YJU2B: variants seen among roughly 807,000 people sequenced by gnomAD.
YJU2B encodes the protein YJU2 splicing factor homolog B, also known as probable splicing factor YJU2B.
YJU2B carries 18 observed loss-of-function variants against 38.0 expected under a neutral mutation model. The observed-to-expected ratio is 0.47, with a 90% CI of 0.33 to 0.70. The LOEUF (loss-of-function observed/expected upper bound fraction) is 0.70, where lower values mean the gene tolerates loss of function less well. Among genes scored for constraint, YJU2B ranks in the 30% least tolerant of loss-of-function variants. The probability of loss-of-function intolerance (pLI) is 0.02; values close to 1 mark genes in which losing one functional copy is unlikely to be tolerated. For synonymous variants in YJU2B, 246 were observed against 225.4 expected, an observed-to-expected ratio of 1.09 and a Z score of -0.82; for missense variants, 538 against 556.3, an observed-to-expected ratio of 0.97 and a Z score of 0.33.
At chr19:13,747,517 C>T (rs1973285439), upstream of YJU2B, among the ~76,000 whole-genome samples, 1 of 152,214 alleles carries the variant, frequency 6.6e-6, no homozygotes, top group African/African-American at 2.4e-5. Context: ...GTTGCCCAGG[C>T]TGGAGTGCAG....
chr19:13,751,432 C>T (rs1396906244), intron 1 of YJU2B, among the ~76,000 whole-genome samples, 176 bp from the exon 2 acceptor site: 1 of 151,970 alleles, frequency 6.6e-6, no homozygotes, highest in Non-Finnish European at 1.5e-5. Flanking sequence ...AAAAGATCCC[C>T]TGGGCAGCTG....
chr19:13,755,182 A>G, intron 3 of YJU2B, among the ~76,000 whole-genome samples: 1 of 151,092 alleles, frequency 6.6e-6, no homozygotes, highest in African/African-American at 2.4e-5. Flanking sequence ...AAAAAAAAAA[A>G]GCCGGCGCCA....
intron 2 of YJU2B, 52 bp from the exon 3 acceptor site, chr19:13,754,237 A>G: frequency 6.8e-7 from 1 of 1,479,284 alleles, no homozygotes; most frequent in Non-Finnish European, 9.5e-7. Flanking sequence ...GTAGGGACAC[A>G]GCCAAACCAT....
chr19:13,745,706 T>TAG (rs1568280974), upstream of YJU2B, among the ~76,000 whole-genome samples: 1 of 47,980 alleles, frequency 2.1e-5, no homozygotes, highest in African/African-American at 7.4e-5. Flanking sequence ...GATATATAGA[T>TAG]ATCTATAGAT....
chr19:13,733,656 G>A (rs1276163704), intron 2 of YJU2B, among the ~76,000 whole-genome samples: 3 of 152,142 alleles, frequency 2.0e-5, no homozygotes, highest in Non-Finnish European at 4.4e-5. Context: ...AGAAGGTGGA[G>A]GTTGTAGTGA....
Position 13,763,066 on chromosome 19 carries a change from T to TGAGC in YJU2B, c.*1_*4dup. The TGAGC allele has an allele frequency of 6.5e-7, 1 of 1,543,800 alleles. No individual in the cohort carries two copies. The highest frequency in any genetic ancestry group is 8.7e-7 in the Non-Finnish European group (1 of 1,144,708). On this transcript the variant is annotated frameshift_variant and stop_retained_variant, in exon 10 of 10. Transcript: ENST00000221554. LOFTEE classifies it high-confidence loss of function. ...GGACTACTCCGACTCGGAGAGTGAG[T>TGAGC]GAGCGATCCCCATCCTGGAGACTGG...
intron 2 of YJU2B, among the ~76,000 whole-genome samples, chr19:13,742,247 G>T (rs1973112613): frequency 6.7e-6 from 1 of 149,398 alleles, no homozygotes; most frequent in African/African-American, 2.5e-5. Context: ...TCTCCCCTAG[G>T]AAGACAGTAT....
At chr19:13,752,998 T>C (rs1380311001) in intron 2 of YJU2B, among the ~76,000 whole-genome samples, 2 of 152,174 alleles carry the variant, frequency 1.3e-5, no homozygotes, top group African/African-American at 4.8e-5. Context: ...GTACTACATG[T>C]GTATCTGCCC....
intron 1 of YJU2B, among the ~76,000 whole-genome samples, chr19:13,749,635 T>TC (rs1432596935): frequency 1.3e-5 from 2 of 148,298 alleles, no homozygotes; most frequent in African/African-American, 2.5e-5. Flanking sequence ...CTTCTTTCTT[T>TC]TTTTTTTTTT....
chr19:13,756,158 C>G (rs1257314389), intron 3 of YJU2B, 39 bp from the exon 4 acceptor site: 19 of 1,552,630 alleles, frequency 1.2e-5, no homozygotes, highest in African/African-American at 2.7e-5. Flanking sequence ...GCTCCTCCAG[C>G]TCAGCAGCAC....
chr19:13,733,459 C>T (rs346173), intron 2 of YJU2B, among the ~76,000 whole-genome samples: 44,557 of 151,814 alleles, frequency 0.29, 6,853 homozygotes, highest in African/African-American at 0.34. Flanking sequence ...CGGTGGCTGA[C>T]GCCTGTAATC....
At position 13,763,070 on chromosome 19, in the gene YJU2B, C is replaced by G; in HGVS notation, c.*2C>G. On this transcript the variant is annotated 3_prime_UTR_variant, in exon 10 of 10. Coordinates refer to ENST00000221554, the MANE Select transcript of YJU2B (RefSeq NM_030818.4). ...TACTCCGACTCGGAGAGTGAGTGAG[C>G]GATCCCCATCCTGGAGACTGGACCC... The G allele has an allele frequency of 1.3e-6, 2 of 1,541,044 alleles. No homozygotes were observed. The highest frequency in any genetic ancestry group is 2.5e-5 in the South Asian group (2 of 80,030).
intron 2 of YJU2B, among the ~76,000 whole-genome samples, chr19:13,735,415 T>A (rs540133774): frequency 6.6e-6 from 1 of 152,228 alleles, no homozygotes; most frequent in African/African-American, 2.4e-5. Context: ...CTCTGTCAAA[T>A]GAGGATGTTG....
upstream of YJU2B, among the ~76,000 whole-genome samples, chr19:13,744,147 C>T (rs866685514): frequency 3.3e-5 from 5 of 151,668 alleles, no homozygotes. Flanking sequence ...GCCGAGATCA[C>T]GCCACAGGAC....
At chr19:13,749,565 A>G (rs899620209) in intron 1 of YJU2B, among the ~76,000 whole-genome samples, 7 of 151,852 alleles carry the variant, frequency 4.6e-5, no homozygotes, top group African/African-American at 1.7e-4. Flanking sequence ...AACTTTGCCA[A>G]TCTCTGTTCT....
rs1973707235 is a variant in YJU2B at position 13,757,404 on chromosome 19, G to C, written c.141-14G>C. 6.2e-7 allele frequency: 1 copy of C among 1,613,040 alleles called. No individual in the cohort carries two copies. The highest frequency in any genetic ancestry group is 8.5e-7 in the Non-Finnish European group (1 of 1,179,024). ...AGTGGACAAGTGCAAGTAAGATGCT[G>C]TCTGTCTTTGCAGATTCGAAATGCC... On this transcript the variant is annotated splice_polypyrimidine_tract_variant and intron_variant, in intron 4 of 9. Transcript: ENST00000221554.
upstream of YJU2B, chr19:13,747,815 T>C (rs955136969): frequency 1.3e-5 from 2 of 152,320 alleles, no homozygotes; most frequent in Non-Finnish European, 2.9e-5. Flanking sequence ...CGTATCGTCC[T>C]TCAGCCAATC....
At position 13,751,665 on chromosome 19, in the gene YJU2B, C is replaced by T. The variant is rs1973470351; in HGVS notation, c.-144C>T. On this transcript the variant is annotated 5_prime_UTR_variant, in exon 2 of 10. Coordinates refer to ENST00000221554, the MANE Select transcript of YJU2B (RefSeq NM_030818.4). Reference sequence around the variant, plus strand: ...GCGGGAGTCTTGTCTGAGCTGGCACCACCACACGGCCCACGACATCTTCGC... The same window carrying T: ...GCGGGAGTCTTGTCTGAGCTGGCACTACCACACGGCCCACGACATCTTCGC... 1 of 812,024 alleles carries T rather than the reference C, an allele frequency of 1.2e-6. No individual in the cohort carries two copies. The highest frequency in any genetic ancestry group is 2.1e-6 in the Non-Finnish European group (1 of 487,476). The allele number at this position is 812,024 out of a possible 1,614,324, so 50.3% of individuals were successfully genotyped here.
chr19:13,751,986 T>C (rs1468759718), intron 2 of YJU2B, among the ~76,000 whole-genome samples, 175 bp downstream of exon 2: 1 of 152,170 alleles, frequency 6.6e-6, no homozygotes, highest in Non-Finnish European at 1.5e-5. Context: ...CATGGGCACT[T>C]TTTAAATGTT....
Sources: allele counts gnomAD v4.1 joint callset (sites outside exome capture counted in the v4.1 genomes callset), GRCh38; gene constraint gnomAD v4.1.1; transcripts MANE v1.5; gene names NCBI Gene and HGNC (gene_info 2026-07-23, HGNC 2026-07-21).